Variants in TNFRSF21 observed in about 807,000 individuals in gnomAD.
TNFRSF21 encodes the protein TNF receptor superfamily member 21.
TNFRSF21 carries 19 observed loss-of-function variants against 45.6 expected under a neutral mutation model. The ratio of observed to expected loss-of-function variants is 0.42; its 90% CI spans 0.29 to 0.61. TNFRSF21 has a LOEUF of 0.61. Ranked by LOEUF, TNFRSF21 falls within the 20% of genes least tolerant of loss-of-function variation. The pLI, the probability that TNFRSF21 is intolerant of heterozygous loss-of-function variation, is 0.23. For synonymous variants in TNFRSF21, 314 were observed against 335.5 expected (o/e 0.94, Z 0.70); for missense variants, 737 against 851.5 (o/e 0.87, Z 1.67).
Position 47,284,015 on chromosome 6 carries a change from A to G in TNFRSF21, c.1166T>C (p.Val389Ala). ...KGPRQDPSAI[V>A]EKAGLKKSMT... is the part of the protein sequence containing the mutation. ...GGATTTCTTCAGCCCTGCCTTTTCC[A>G]CAATGGCACTGGGATCCTGCCGGGG... The change falls in exon 3 of 6, where the codon GTG becomes GCG. Residue 389 changes from valine to alanine, a missense_variant. By Grantham distance (64) the Val-to-Ala change is moderately conservative. Coordinates refer to ENST00000296861, the MANE Select transcript of TNFRSF21 (RefSeq NM_014452.5). The G allele has an allele frequency of 1.2e-6, 2 of 1,614,198 alleles. No homozygotes were observed. The highest frequency in any genetic ancestry group is 1.7e-6 in the Non-Finnish European group (2 of 1,180,042).
intron 3 of TNFRSF21, among the ~76,000 whole-genome samples, chr6:47,275,082 T>C (rs1762478452): frequency 6.6e-6 from 1 of 152,234 alleles, no homozygotes; most frequent in Admixed American, 6.5e-5. Flanking sequence ...TCAACCATTG[T>C]GGAAGACAGT....
At chr6:47,274,800 C>A (rs965026840) in intron 3 of TNFRSF21, among the ~76,000 whole-genome samples, 1 of 151,818 alleles carries the variant, frequency 6.6e-6, no homozygotes, top group African/African-American at 2.4e-5. Context: ...AAGAAAAAAA[C>A]AAACAACCCC....
chr6:47,270,619 C>T (rs1317757640), intron 3 of TNFRSF21, among the ~76,000 whole-genome samples: 3 of 152,186 alleles, frequency 2.0e-5, no homozygotes. Flanking sequence ...TCCAAAGGAT[C>T]ACAGCTCTTT....
chr6:47,261,529 C>T, intron 3 of TNFRSF21, among the ~76,000 whole-genome samples: 1 of 152,192 alleles, frequency 6.6e-6, no homozygotes, highest in Admixed American at 6.5e-5. Context: ...AGCCTTGTGG[C>T]CCTGCCAGAT....
At position 47,286,127 on chromosome 6, in the gene TNFRSF21, A is replaced by T. The variant is rs1023209549; in HGVS notation, c.565T>A (p.Tyr189Asn). The T allele has an allele frequency of 6.2e-7, 1 of 1,614,212 alleles. No homozygotes were observed. The highest frequency in any genetic ancestry group is 8.5e-7 in the Non-Finnish European group (1 of 1,180,046). Residue 189 changes from tyrosine (Y) to asparagine (N), a missense_variant, in exon 2 of 6, where the codon TAC becomes AAC. Physicochemically the swap from Tyr to Asn is moderately radical, Grantham distance 143. Coordinates refer to ENST00000296861, the MANE Select transcript of TNFRSF21 (RefSeq NM_014452.5). ...AGGTTCTGACTCAGACAGTCTGTGT[A>T]TGCTTTGCATTTCATCACACTAGAA... ...VPSSVMKCKA[Y>N]TDCLSQNLVV...
At chr6:47,305,411 A>C (rs1164195708) in intron 1 of TNFRSF21, among the ~76,000 whole-genome samples, 1 of 152,184 alleles carries the variant, frequency 6.6e-6, no homozygotes, top group Non-Finnish European at 1.5e-5. Flanking sequence ...GCTCCCTTCC[A>C]GCTTTCACAT....
intron 4 of TNFRSF21, among the ~76,000 whole-genome samples, chr6:47,240,068 T>C (rs375777261): frequency 3.9e-5 from 6 of 152,190 alleles, no homozygotes; most frequent in African/African-American, 1.4e-4. Context: ...CTGGATGCTC[T>C]TTGCCAGCCT....
intron 3 of TNFRSF21, among the ~76,000 whole-genome samples, chr6:47,254,937 A>G (rs1561941277): frequency 6.6e-6 from 1 of 152,230 alleles, no homozygotes; most frequent in Non-Finnish European, 1.5e-5. Flanking sequence ...TCACAAAGGT[A>G]GGTGAGTTGG....
chr6:47,256,413 A>G (rs1479312011), intron 3 of TNFRSF21, among the ~76,000 whole-genome samples: 1 of 152,248 alleles, frequency 6.6e-6, no homozygotes, highest in African/African-American at 2.4e-5. Context: ...ATTCCCAGCT[A>G]CTTGGGAGAC....
At chr6:47,236,489 TTTTACAAA>T (rs2113842566) in intron 4 of TNFRSF21, among the ~76,000 whole-genome samples, 1 of 152,326 alleles carries the variant, frequency 6.6e-6, no homozygotes, top group Admixed American at 6.5e-5. Context: ...CAACTGCTTC[TTTTACAAA>T]TTTTAAGGCC....
intron 4 of TNFRSF21, among the ~76,000 whole-genome samples, chr6:47,236,771 AAC>A (rs1764669886): frequency 1.3e-5 from 2 of 152,178 alleles, no homozygotes; most frequent in Admixed American, 1.3e-4. Flanking sequence ...CATTCACGCC[AAC>A]ACACTTTTTT....
intron 3 of TNFRSF21, among the ~76,000 whole-genome samples, chr6:47,272,924 T>C (rs540135035): frequency 2.6e-5 from 4 of 152,180 alleles, no homozygotes; most frequent in Non-Finnish European, 5.9e-5. Flanking sequence ...AAGAAATGGA[T>C]AGATTCCTGG....
Position 47,234,774 on chromosome 6 carries a change from T to C in TNFRSF21, c.1634A>G (p.Lys545Arg). 2 of 1,603,862 alleles carry C rather than the reference T, an allele frequency of 1.2e-6. No homozygotes were observed. Among genetic ancestry groups the C allele is most frequent in the Non-Finnish European group, 1.7e-6 (2 of 1,176,510 alleles). ...CTCATCCACGAAGAAGCCCTTGTTC[T>C]TGTCCTGTGGGGAAGGCTCCACCGT... Reference protein sequence around the residue: ...LLTVEPSPQDKNKGFFVDESE... With the variant: ...LLTVEPSPQDRNKGFFVDESE... Residue 545 changes from lysine to arginine, a missense_variant, in exon 5 of 6, where the codon AAG becomes AGG. Transcript: ENST00000296861.
rs1457757782 is a variant in TNFRSF21, at chr6:47,253,408, T to G, written c.1357A>C (p.Thr453Pro). The change falls in exon 4 of 6, where the codon ACA becomes CCA. Residue 453 changes from threonine to proline, a missense_variant. Transcript: ENST00000296861. Reference protein sequence around the residue: ...REVAAFSNGYTADHERAYAAL... With the variant: ...REVAAFSNGYPADHERAYAAL... ...GCGTAGGCCCGCTCGTGGTCGGCTG[T>G]GTACCCATTGGAGAAAGCAGCAACC... is the stretch of plus-strand genomic sequence containing the variant. The G allele has an allele frequency of 6.2e-7, 1 of 1,614,200 alleles. No homozygotes were observed. The highest frequency in any genetic ancestry group is 1.1e-5 in the South Asian group (1 of 91,078).
chr6:47,238,630 C>G (rs1764699270), intron 4 of TNFRSF21, among the ~76,000 whole-genome samples: 1 of 152,124 alleles, frequency 6.6e-6, no homozygotes, highest in African/African-American at 2.4e-5. Context: ...CTTATTAGTC[C>G]AAACTGATAA....
chr6:47,240,932 C>G (rs1013684823), intron 4 of TNFRSF21, among the ~76,000 whole-genome samples: 1 of 152,140 alleles, frequency 6.6e-6, no homozygotes, highest in Non-Finnish European at 1.5e-5. Flanking sequence ...GAATTCTAGT[C>G]GCGAATAAAT....
At chr6:47,259,256 T>C (rs1765034724) in intron 3 of TNFRSF21, among the ~76,000 whole-genome samples, 1 of 152,238 alleles carries the variant, frequency 6.6e-6, no homozygotes, top group African/African-American at 2.4e-5. Flanking sequence ...ATGTGTTGAA[T>C]TGATCTAAAT....
chr6:47,305,575 C>T (rs1762926622), intron 1 of TNFRSF21, among the ~76,000 whole-genome samples: 1 of 152,114 alleles, frequency 6.6e-6, no homozygotes, highest in Non-Finnish European at 1.5e-5. Context: ...GCCCAAACAG[C>T]CAAAGTGAAT....
intron 3 of TNFRSF21, among the ~76,000 whole-genome samples, chr6:47,263,341 A>G (rs1306205667): frequency 6.6e-6 from 1 of 152,124 alleles, no homozygotes; most frequent in Non-Finnish European, 1.5e-5. Flanking sequence ...GCATATTTCT[A>G]TCGTGAGTGC....
Sources: gnomAD v4.1 joint callset for allele counts (sites outside exome capture counted in the v4.1 genomes callset) on GRCh38, gnomAD v4.1.1 for gene constraint, MANE v1.5 for transcripts, NCBI Gene and HGNC (gene_info 2026-07-23, HGNC 2026-07-21) for gene names.